PTBP3: variants seen among roughly 807,000 people sequenced by gnomAD.
The protein encoded by PTBP3 is polypyrimidine tract binding protein 3, also known as polypyrimidine tract-binding protein 3.
A neutral mutation model predicts 58.7 loss-of-function variants in PTBP3; 20 were observed. The ratio of observed to expected loss-of-function variants is 0.34; its 90% CI spans 0.24 to 0.50. The LOEUF is 0.50. PTBP3 is among the 20% of genes least tolerant of loss of function. The pLI, the probability that PTBP3 is intolerant of heterozygous loss-of-function variation, is 0.98. For missense variants in PTBP3, 509 were observed against 637.2 expected, an observed-to-expected ratio of 0.80 and a Z score of 2.17; for synonymous variants, 185 against 219.8, an observed-to-expected ratio of 0.84 and a Z score of 1.40.
intron 2 of PTBP3, among the ~76,000 whole-genome samples, chr9:112,285,247 T>C (rs900883963): frequency 2.0e-5 from 3 of 152,174 alleles, no homozygotes; most frequent in African/African-American, 7.2e-5. Context: ...CAGTTCCTCC[T>C]TCACACTCAC....
intron 1 of PTBP3, among the ~76,000 whole-genome samples, chr9:112,314,251 T>A (rs979329724): frequency 6.6e-6 from 1 of 152,166 alleles, no homozygotes; most frequent in Non-Finnish European, 1.5e-5. Context: ...AATGGCTACA[T>A]TAACATTAGA....
At position 112,222,244 on chromosome 9, in the gene PTBP3, G is replaced by A; in HGVS notation, c.*1607C>T. On this transcript the variant is annotated 3_prime_UTR_variant, in exon 14 of 14. Transcript: ENST00000374257. ...CAACAATTGAAGAAATAATAGCAAA[G>A]TTTCTTATTAAAAAGAAACAATTTT... 1.0e-6 allele frequency: 1 copy of A among 975,340 alleles called. No homozygotes were observed. Among genetic ancestry groups the A allele is most frequent in the Non-Finnish European group, 1.2e-6 (1 of 820,482 alleles). The allele number at this position is 975,340 out of a possible 1,614,324, so 60.4% of individuals were successfully genotyped here.
At chr9:112,275,282 T>C (rs1827562397) in intron 3 of PTBP3, among the ~76,000 whole-genome samples, 1 of 152,084 alleles carries the variant, frequency 6.6e-6, no homozygotes, top group African/African-American at 2.4e-5. Flanking sequence ...ATTACAGGCA[T>C]GTGACACCTC....
Position 112,325,434 on chromosome 9 carries a change from CTT to C in PTBP3, c.-52+8034_-52+8035del, listed in dbSNP as rs147686386. Among the ~76,000 whole-genome samples the C allele has an allele frequency of 8.6e-3, 1,307 of 152,222 alleles. 22 individuals carry two copies. The highest frequency in any genetic ancestry group is 0.03 in the African/African-American group (1,246 of 41,536). On this transcript the variant is annotated intron_variant, in intron 1 of 13. Transcript: ENST00000374257. ...GGAAGCCAGCTGGCGGGACCCCTCTCTTTGCTGAGAGCTCCCCTTTCGCTTAA... is the reference window on the plus strand; with the variant it reads ...GGAAGCCAGCTGGCGGGACCCCTCTCTGCTGAGAGCTCCCCTTTCGCTTAA...
rs1414796624 is a variant in PTBP3, at chr9:112,244,727, G to A, written c.802+6202C>T. 5.3e-5 allele frequency among the ~76,000 whole-genome samples: 8 copies of A among 151,944 alleles called. No homozygotes were observed. The East Asian group carries it at 1.5e-3, about 29-fold the overall frequency. ...CCAAATGAATGGACAGATGCACAAT[G>A]TTCAAAGACTGGAAGATTCTATTGT... On this transcript the variant is annotated intron_variant, in intron 7 of 13. Transcript: ENST00000374257.
At chr9:112,224,090 A>G (rs764885569) in intron 13 of PTBP3, 43 bp downstream of exon 13, 1 of 1,551,416 alleles carries the variant, frequency 6.4e-7, no homozygotes, top group Non-Finnish European at 8.8e-7. Flanking sequence ...TTTGCATACC[A>G]TATTAAATAA....
chr9:112,328,848 A>T (rs1340842106), intron 1 of PTBP3, among the ~76,000 whole-genome samples: 3 of 152,232 alleles, frequency 2.0e-5, no homozygotes, highest in African/African-American at 7.2e-5. Flanking sequence ...AAGTAGGAGC[A>T]CTGAAATTTG....
intron 4 of PTBP3, among the ~76,000 whole-genome samples, chr9:112,264,731 A>G (rs1298673138): frequency 1.3e-5 from 2 of 152,248 alleles, no homozygotes; most frequent in Admixed American, 1.3e-4. Flanking sequence ...TACAAAAGCA[A>G]CAAGATGGAA....
At chr9:112,298,229 T>C (rs1362193139) in intron 1 of PTBP3, among the ~76,000 whole-genome samples, 1 of 152,192 alleles carries the variant, frequency 6.6e-6, no homozygotes, top group African/African-American at 2.4e-5. Context: ...ATTATGACAT[T>C]GTTTTTGTAG....
intron 7 of PTBP3, among the ~76,000 whole-genome samples, chr9:112,239,819 G>A (rs62569132): frequency 0.49 from 52,812 of 107,228 alleles, 12,863 homozygotes; most frequent in African/African-American, 0.64. Context: ...GGAAGGAAGG[G>A]AGGAAGGGAG....
chr9:112,366,887 G>C, the PTBP3 span, among the ~76,000 whole-genome samples: 25 of 152,134 alleles, frequency 1.6e-4, no homozygotes, highest in African/African-American at 5.1e-4. Flanking sequence ...CAGCCAGGAG[G>C]GGGGCTATAC....
intron 7 of PTBP3, among the ~76,000 whole-genome samples, chr9:112,242,339 G>A (rs966216744): frequency 2.0e-5 from 3 of 152,124 alleles, no homozygotes; most frequent in African/African-American, 7.2e-5. Context: ...GTAGGAGCCA[G>A]AGGTTTTGCC....
chr9:112,296,089 G>T (rs1433289580), intron 2 of PTBP3, among the ~76,000 whole-genome samples: 1 of 152,200 alleles, frequency 6.6e-6, no homozygotes, highest in Admixed American at 6.6e-5. Flanking sequence ...TGGCCCAAGA[G>T]AATTCTTCCA....
the PTBP3 span, among the ~76,000 whole-genome samples, chr9:112,377,678 G>A: frequency 4.6e-5 from 7 of 152,206 alleles, no homozygotes; most frequent in Non-Finnish European, 8.8e-5. Context: ...AGTCTGTCAG[G>A]AAACTGTTGC....
intron 7 of PTBP3, among the ~76,000 whole-genome samples, chr9:112,243,120 G>C (rs1176519260): frequency 7.7e-6 from 1 of 130,178 alleles, no homozygotes; most frequent in Non-Finnish European, 1.6e-5. Context: ...TCTATATTAA[G>C]TCTTACAGCT....
intron 1 of PTBP3, among the ~76,000 whole-genome samples, chr9:112,312,490 T>TG (rs1554804132): frequency 4.1e-5 from 6 of 145,870 alleles, no homozygotes; most frequent in African/African-American, 1.0e-4. Flanking sequence ...TTTTTTTTGT[T>TG]TTTTTTTTTT....
the PTBP3 span, among the ~76,000 whole-genome samples, chr9:112,345,564 T>G: frequency 1.3e-5 from 2 of 150,830 alleles, no homozygotes; most frequent in Admixed American, 6.6e-5. Context: ...TTTTTTTCAG[T>G]AGAGTTGGGG....
intron 1 of PTBP3, among the ~76,000 whole-genome samples, chr9:112,303,557 A>C (rs1268597866): frequency 1.3e-5 from 2 of 152,176 alleles, no homozygotes; most frequent in Non-Finnish European, 2.9e-5. Context: ...ATACAATCGC[A>C]TGGGCAGCTT....
chr9:112,256,294 C>CATATATATATATATATAT (rs370450580), intron 5 of PTBP3, among the ~76,000 whole-genome samples: 2 of 59,030 alleles, frequency 3.4e-5, no homozygotes, highest in East Asian at 4.0e-4. Context: ...TATATATATA[C>CATATATATATATATATAT]ATATATATAT....
Sources: allele counts gnomAD v4.1 joint callset (sites outside exome capture counted in the v4.1 genomes callset), GRCh38; gene constraint gnomAD v4.1.1; transcripts MANE v1.5; gene names NCBI Gene and HGNC (gene_info 2026-07-23, HGNC 2026-07-21).